Variants in PLEKHA5 observed in about 807,000 individuals in gnomAD.
PLEKHA5 encodes pleckstrin homology domain-containing family A member 5.
Under a neutral mutation model 181.9 loss-of-function variants are expected in PLEKHA5, and 55 were observed. The observed-to-expected ratio is 0.30, with a 90% CI of 0.24 to 0.38. The LOEUF is 0.38. Ranked by LOEUF, PLEKHA5 falls within the 10% of genes least tolerant of loss-of-function variation. The pLI is 1.00. For missense variants in PLEKHA5, 1,432 were observed against 1,549.5 expected (o/e 0.92, Z 1.27); for synonymous variants, 535 against 529.4 (o/e 1.01, Z -0.15).
chr12:19,230,308 T>C (rs2060307603), intron 3 of PLEKHA5, among the ~76,000 whole-genome samples: 1 of 152,194 alleles, frequency 6.6e-6, no homozygotes, highest in African/African-American at 2.4e-5. Flanking sequence ...ACCTAGTGGA[T>C]CCCGCACTGG....
intron 11 of PLEKHA5, among the ~76,000 whole-genome samples, chr12:19,281,866 C>T (rs942010635): frequency 2.0e-5 from 3 of 152,110 alleles, no homozygotes; most frequent in Non-Finnish European, 4.4e-5. Flanking sequence ...GCTGCAAGCT[C>T]GGCTTCCTGG....
At chr12:19,193,233 C>T (rs76299362) in intron 3 of PLEKHA5, among the ~76,000 whole-genome samples, 55 of 152,218 alleles carry the variant, frequency 3.6e-4, no homozygotes, top group Non-Finnish European at 6.5e-4. Flanking sequence ...AGTCTTAATA[C>T]TTAGAAGAGG....
At chr12:19,258,749 A>G (rs1283191081) in intron 6 of PLEKHA5, among the ~76,000 whole-genome samples, 1 of 151,920 alleles carries the variant, frequency 6.6e-6, no homozygotes, top group Non-Finnish European at 1.5e-5. Context: ...TATTTTTAGT[A>G]GAGACGGGTT....
At chr12:19,163,019 C>CT (rs1238408827) in intron 3 of PLEKHA5, among the ~76,000 whole-genome samples, 1 of 152,092 alleles carries the variant, frequency 6.6e-6, no homozygotes, top group African/African-American at 2.4e-5. Flanking sequence ...ATTGCTGGCT[C>CT]TTTTTATATA....
chr12:19,161,216 T>C (rs1344484240), intron 3 of PLEKHA5, among the ~76,000 whole-genome samples: 1 of 152,092 alleles, frequency 6.6e-6, no homozygotes, highest in African/African-American at 2.4e-5. Flanking sequence ...TTTTCCCCAC[T>C]CTTTACTTCC....
chr12:19,270,114 CATT>C (rs2072145356), intron 9 of PLEKHA5, 71 bp from the exon 10 acceptor site: 1 of 875,970 alleles, frequency 1.1e-6, no homozygotes, highest in Non-Finnish European at 1.7e-6. Flanking sequence ...CTTCTTTATT[CATT>C]TTCACCTATC....
intron 15 of PLEKHA5, among the ~76,000 whole-genome samples, chr12:19,308,503 A>G (rs1315471698): frequency 6.6e-6 from 1 of 152,200 alleles, no homozygotes; most frequent in Non-Finnish European, 1.5e-5. Context: ...ACAAAAATGA[A>G]AAGCTATATA....
rs150691984 is a variant in PLEKHA5, at chr12:19,274,891, C to A, written c.1221C>A (p.Ala407=). 2.5e-6 allele frequency: 4 copies of A among 1,613,676 alleles called. No homozygotes were observed. Among genetic ancestry groups the A allele is most frequent in the African/African-American group, 2.7e-5 (2 of 74,820 alleles). The stretch of plus-strand genomic sequence containing the variant: ...ATACAGGGCCCTTATACACAGAGGC[C>A]GATCGAGTCATACAGAGAACAAATT... ...RPNTGPLYTE[A]DRVIQRTNSM... The change falls in exon 11 of 32, where the codon GCC becomes GCA. Residue 407 remains alanine (A), a synonymous_variant. Coordinates refer to ENST00000429027, the MANE Select transcript of PLEKHA5 (RefSeq NM_001256470.2).
At chr12:19,289,910 GTTTTATTTTA>G (rs574816328) in intron 13 of PLEKHA5, among the ~76,000 whole-genome samples, 2 of 151,544 alleles carry the variant, frequency 1.3e-5, no homozygotes, top group African/African-American at 4.8e-5. Context: ...AGATATCCAA[GTTTTATTTTA>G]TTTTATTTTA....
intron 3 of PLEKHA5, among the ~76,000 whole-genome samples, chr12:19,139,691 G>A (rs1205104278): frequency 6.6e-6 from 1 of 152,188 alleles, no homozygotes; most frequent in Non-Finnish European, 1.5e-5. Flanking sequence ...AATATCTAAT[G>A]TTTTGACTAC....
At chr12:19,194,675 A>T (rs1477874859) in intron 3 of PLEKHA5, among the ~76,000 whole-genome samples, 1 of 152,308 alleles carries the variant, frequency 6.6e-6, no homozygotes, top group Non-Finnish European at 1.5e-5. Flanking sequence ...TACAAGTTTC[A>T]TTATACAGAC....
rs552314874 is a variant in PLEKHA5 at position 19,256,218 on chromosome 12, A to G, written c.432+1053A>G. Among the ~76,000 whole-genome samples, 157 of 152,282 alleles carry G rather than the reference A, an allele frequency of 1.0e-3. 1 individual carries two copies. Among genetic ancestry groups the G allele is most frequent in the African/African-American group, 3.5e-3 (147 of 41,574 alleles). On this transcript the variant is annotated intron_variant, in intron 5 of 31. Transcript: ENST00000429027. ...TGAAAAATACTAATTAAAACCAGAA[A>G]AAGACACCATTTCCACCTGCAGATT...
chr12:19,305,236 T>A (rs2082875496), intron 15 of PLEKHA5, among the ~76,000 whole-genome samples: 1 of 152,096 alleles, frequency 6.6e-6, no homozygotes, highest in South Asian at 2.1e-4. Context: ...TACATATAAT[T>A]CAGTGGTTTT....
At chr12:19,175,525 CTA>C (rs1197394019) in intron 3 of PLEKHA5, among the ~76,000 whole-genome samples, 1 of 152,054 alleles carries the variant, frequency 6.6e-6, no homozygotes, top group Non-Finnish European at 1.5e-5. Flanking sequence ...TTATGCTTTT[CTA>C]TATAAAAATT....
intron 3 of PLEKHA5, among the ~76,000 whole-genome samples, chr12:19,136,709 A>C (rs956412354): frequency 6.6e-6 from 1 of 152,206 alleles, no homozygotes; most frequent in Admixed American, 6.5e-5. Flanking sequence ...TGGGTATCAA[A>C]ACAATATTTG....
intron 11 of PLEKHA5, among the ~76,000 whole-genome samples, chr12:19,277,789 G>T (rs1175264813): frequency 6.7e-6 from 1 of 148,972 alleles, no homozygotes; most frequent in African/African-American, 2.5e-5. Flanking sequence ...AAAGAAAAAG[G>T]TTTAATATTT....
intron 15 of PLEKHA5, among the ~76,000 whole-genome samples, chr12:19,300,648 G>A (rs1238379469): frequency 2.6e-5 from 4 of 152,142 alleles, no homozygotes; most frequent in African/African-American, 9.7e-5. Context: ...GGAAGGAAAT[G>A]AGGTTGAGTA....
chr12:19,188,543 G>T (rs776949200), intron 3 of PLEKHA5, among the ~76,000 whole-genome samples: 2 of 152,158 alleles, frequency 1.3e-5, no homozygotes, highest in African/African-American at 2.4e-5. Context: ...GATTAGAAAT[G>T]ATGTTTCTGG....
chr12:19,162,306 A>G (rs1035041759), intron 3 of PLEKHA5, among the ~76,000 whole-genome samples: 17 of 152,202 alleles, frequency 1.1e-4, no homozygotes, highest in African/African-American at 4.1e-4. Flanking sequence ...ATGTAAACAT[A>G]GAAGGCAGGC....
Sources: allele counts gnomAD v4.1 joint callset (sites outside exome capture counted in the v4.1 genomes callset), GRCh38; gene constraint gnomAD v4.1.1; transcripts MANE v1.5; gene names NCBI Gene and HGNC (gene_info 2026-07-23, HGNC 2026-07-21).